RBFOX1: variants seen among roughly 807,000 people sequenced by gnomAD.
RBFOX1 encodes RNA binding protein fox-1 homolog 1.
In RBFOX1, 8 loss-of-function variants were observed where a neutral mutation model predicts 57.7. The observed-to-expected ratio is 0.14, with a 90% confidence interval of 0.08 to 0.25. RBFOX1 has a LOEUF of 0.25. Among genes scored for constraint, RBFOX1 ranks in the 10% least tolerant of loss-of-function variants. The pLI is 1.00. For missense variants in RBFOX1, 611 were observed against 548.5 expected (o/e 1.11, Z -1.14); for synonymous variants, 326 against 222.4 (o/e 1.47, Z -4.15).
intron 4 of RBFOX1, among the ~76,000 whole-genome samples, chr16:7,367,913 C>CAG (rs962333200): frequency 1.3e-4 from 19 of 151,296 alleles, no homozygotes; most frequent in East Asian, 1.2e-3. Flanking sequence ...CACACACACA[C>CAG]AGACACTACA....
At chr16:5,671,873 C>T (rs2050021995) in intron 3 of RBFOX1, among the ~76,000 whole-genome samples, 1 of 152,106 alleles carries the variant, frequency 6.6e-6, no homozygotes, top group Non-Finnish European at 1.5e-5. Context: ...TGAAGGATGC[C>T]ACCTATCAGC....
intron 4 of RBFOX1, among the ~76,000 whole-genome samples, chr16:7,412,305 C>T (rs574165608): frequency 2.0e-5 from 3 of 151,708 alleles, no homozygotes; most frequent in African/African-American, 7.3e-5. Context: ...ATCTCAGCTC[C>T]TCATGAGGCT....
At chr16:5,627,469 T>A (rs1371463178) in intron 3 of RBFOX1, among the ~76,000 whole-genome samples, 8 of 152,208 alleles carry the variant, frequency 5.3e-5, no homozygotes, top group African/African-American at 1.9e-4. Flanking sequence ...TTGTAAAGGA[T>A]AGAAAATGCT....
At position 6,515,844 on chromosome 16, in the gene RBFOX1, G is replaced by C. The variant is rs2096366260; in HGVS notation, c.-63-138759G>C. Among the ~76,000 whole-genome samples, 2 of 152,052 alleles carry C rather than the reference G, an allele frequency of 1.3e-5. 1 individual carries two copies. Among genetic ancestry groups the C allele is most frequent in the South Asian group, 4.2e-4 (2 of 4,804 alleles). On this transcript the variant is annotated intron_variant, in intron 2 of 15. Coordinates refer to ENST00000550418, the MANE Select transcript of RBFOX1 (RefSeq NM_018723.4). ...TCTCACCCACCCTAATGGCCTCTTG[G>C]GTGAATTTCACTCTATCCTTTAACA...
chr16:7,335,873 C>G (rs948213623), intron 4 of RBFOX1, among the ~76,000 whole-genome samples: 2 of 152,120 alleles, frequency 1.3e-5, no homozygotes, highest in African/African-American at 2.4e-5. Context: ...GAGTTTTTCC[C>G]TCCAGCCAGG....
At chr16:6,742,732 T>C (rs907067529) in intron 3 of RBFOX1, among the ~76,000 whole-genome samples, 18 of 152,138 alleles carry the variant, frequency 1.2e-4, no homozygotes, top group African/African-American at 4.3e-4. Flanking sequence ...ATTAAAACAG[T>C]CTCAAAAGGT....
At chr16:5,405,425 G>A (rs1366803124) in intron 1 of RBFOX1, among the ~76,000 whole-genome samples, 1 of 152,186 alleles carries the variant, frequency 6.6e-6, no homozygotes, top group Non-Finnish European at 1.5e-5. Context: ...TTTGCCTATT[G>A]CCATGTAAGA....
chr16:6,518,833 A>G (rs985638660), intron 2 of RBFOX1, among the ~76,000 whole-genome samples: 2 of 135,618 alleles, frequency 1.5e-5, no homozygotes, highest in South Asian at 2.4e-4. Flanking sequence ...CTATCTATCT[A>G]TCTATCTATC....
chr16:5,781,809 C>G (rs1334853784), intron 3 of RBFOX1, among the ~76,000 whole-genome samples: 2 of 152,146 alleles, frequency 1.3e-5, no homozygotes, highest in Non-Finnish European at 2.9e-5. Flanking sequence ...TGCTGGTTAT[C>G]CTCTATGGCA....
Position 7,713,187 on chromosome 16 carries a change from G to A in RBFOX1, c.*2442G>A, listed in dbSNP as rs1416992562. 2 of 152,126 alleles carry A rather than the reference G, an allele frequency of 1.3e-5. No homozygotes were observed. Among genetic ancestry groups the A allele is most frequent in the Non-Finnish European group, 1.5e-5 (1 of 68,030 alleles). The allele number at this position is 152,126 out of a possible 1,614,324, so 9.4% of individuals were successfully genotyped here. On this transcript the variant is annotated 3_prime_UTR_variant, in exon 16 of 16. Transcript: ENST00000550418. Reference sequence around the variant, plus strand: ...AAATTAATATTATGTGTGGCATATAGTGACTTCTTAACACACACATCACGC... The same window carrying A: ...AAATTAATATTATGTGTGGCATATAATGACTTCTTAACACACACATCACGC...
At chr16:7,562,593 C>A (rs2090661099) in intron 5 of RBFOX1, among the ~76,000 whole-genome samples, 1 of 152,170 alleles carries the variant, frequency 6.6e-6, no homozygotes, top group Admixed American at 6.5e-5. Context: ...ACCAGTGGCA[C>A]CTGAGCCCCA....
chr16:7,227,608 C>T (rs1045196910), intron 4 of RBFOX1, among the ~76,000 whole-genome samples: 7 of 152,136 alleles, frequency 4.6e-5, no homozygotes, highest in Admixed American at 3.3e-4. Context: ...CAGCTGCACG[C>T]GCAAGCATTC....
intron 1 of RBFOX1, among the ~76,000 whole-genome samples, chr16:6,148,573 T>G (rs1239959230): frequency 6.6e-6 from 1 of 152,160 alleles, no homozygotes; most frequent in African/African-American, 2.4e-5. Context: ...AAGAGTCATG[T>G]TCCTGGCACC....
chr16:7,126,397 T>G (rs2151900963), intron 4 of RBFOX1: 1 of 240,604 alleles, frequency 4.2e-6, no homozygotes, highest in Middle Eastern at 2.0e-3. Context: ...CTGACTACTT[T>G]ACTGTGAACT....
At chr16:7,332,668 CTCTG>C in intron 4 of RBFOX1, 3 of 628,178 alleles carry the variant, frequency 4.8e-6, no homozygotes, top group Non-Finnish European at 6.4e-6. Context: ...TGGTCTCTCT[CTCTG>C]TCTCTCTCTC....
chr16:6,838,473 A>C (rs1414489098), intron 3 of RBFOX1, among the ~76,000 whole-genome samples: 1 of 152,208 alleles, frequency 6.6e-6, no homozygotes, highest in African/African-American at 2.4e-5. Context: ...AAATGTCTGA[A>C]TAACCTGCCC....
chr16:5,571,583 C>T (rs1268759307), intron 2 of RBFOX1, among the ~76,000 whole-genome samples: 9 of 152,166 alleles, frequency 5.9e-5, no homozygotes, highest in East Asian at 5.8e-4. Flanking sequence ...CTGCGCCCAC[C>T]GCCAGAAGAT....
In RBFOX1 at chr16:7,616,264, G is replaced by T. The variant is rs141744844; in HGVS notation, c.676+8926G>T. 1.4e-3 allele frequency among the ~76,000 whole-genome samples: 207 copies of T among 152,336 alleles called. 1 individual carries two copies. The highest frequency in any genetic ancestry group is 4.6e-3 in the African/African-American group (191 of 41,584). The stretch of plus-strand genomic sequence containing the variant: ...TGCAGTGAAGTTTAGAAGAAACCTA[G>T]CAAAAGCTTCCAGGTGTCCTCTCAC... On this transcript the variant is annotated intron_variant, in intron 10 of 15. Transcript: ENST00000550418.
chr16:7,191,637 C>G (rs1018335375), intron 4 of RBFOX1, among the ~76,000 whole-genome samples: 6 of 152,196 alleles, frequency 3.9e-5, no homozygotes, highest in African/African-American at 7.2e-5. Context: ...TGCTTTTAAG[C>G]TAGGCATATC....
Sources: gnomAD v4.1 joint callset for allele counts (sites outside exome capture counted in the v4.1 genomes callset) on GRCh38, gnomAD v4.1.1 for gene constraint, MANE v1.5 for transcripts, NCBI Gene and HGNC (gene_info 2026-07-23, HGNC 2026-07-21) for gene names.